DOCK5: variants seen among roughly 807,000 people sequenced by gnomAD.
DOCK5 encodes dedicator of cytokinesis 5.
In DOCK5, 142 loss-of-function variants were observed where a neutral mutation model predicts 251.8. The observed-to-expected ratio is 0.56, with a 90% CI of 0.49 to 0.65. DOCK5 has a LOEUF of 0.65. DOCK5 is among the 30% of genes least tolerant of loss of function. The pLI, the probability that DOCK5 is intolerant of heterozygous loss-of-function variation, is 0.00. For synonymous variants in DOCK5, 842 were observed against 835.5 expected, an observed-to-expected ratio of 1.01 and a Z score of -0.13; for missense variants, 2,111 against 2,312.3, an observed-to-expected ratio of 0.91 and a Z score of 1.79.
chr8:25,238,043 A>G (rs1586253808), intron 1 of DOCK5, among the ~76,000 whole-genome samples: 1 of 152,232 alleles, frequency 6.6e-6, no homozygotes, highest in South Asian at 2.1e-4. Flanking sequence ...CTATGGGCCC[A>G]CTAAGTGCAT....
chr8:25,259,806 T>A (rs1803524022), intron 2 of DOCK5, among the ~76,000 whole-genome samples: 1 of 152,208 alleles, frequency 6.6e-6, no homozygotes, highest in Admixed American at 6.5e-5. Context: ...AGCTGTGAGT[T>A]CTTTCCAATA....
At position 25,414,909 on chromosome 8, in the gene DOCK5, C is replaced by CTTTTTTTTTTTTTTTTT. The variant is rs56338302; in HGVS notation, c.*3624_*3625insTTTTTTTTTTTTTTTTT. ...ATTTGTAGTCAGTCCCTGGGCCTGT[C>CTTTTTTTTTTTTTTTTT]TTTTTTTTTTTTTAATTTTGAAGCT... On this transcript the variant is annotated 3_prime_UTR_variant, in exon 52 of 52. Transcript: ENST00000276440. 2.3e-4 allele frequency: 22 copies of CTTTTTTTTTTTTTTTTT among 96,590 alleles called. No individual in the cohort carries two copies. Among genetic ancestry groups the CTTTTTTTTTTTTTTTTT allele is most frequent in the Middle Eastern group, 7.9e-3 (1 of 126 alleles). 6.0% of individuals were successfully genotyped at this position (96,590 alleles called of 1,614,324 possible).
intron 48 of DOCK5, among the ~76,000 whole-genome samples, chr8:25,405,760 C>T (rs1801511761): frequency 6.6e-6 from 1 of 151,910 alleles, no homozygotes; most frequent in Non-Finnish European, 1.5e-5. Flanking sequence ...CATAAAATGC[C>T]TTTCCATATG....
chr8:25,395,395 T>C (rs1801328760), intron 44 of DOCK5, 148 bp from the exon 45 acceptor site: 1 of 858,610 alleles, frequency 1.2e-6, no homozygotes, highest in Non-Finnish European at 1.7e-6. Context: ...TTGGGACCCC[T>C]GCTATAAGTC....
At position 25,335,713 on chromosome 8, in the gene DOCK5, C is replaced by T. The variant is rs1384557538; in HGVS notation, c.2193-526C>T. Reference sequence around the variant, plus strand: ...AGACACAAAGAGCAACCTATAACCCCAGAACAGCTTTATCTGTTGAATGCT... The same window carrying T: ...AGACACAAAGAGCAACCTATAACCCTAGAACAGCTTTATCTGTTGAATGCT... On this transcript the variant is annotated intron_variant, in intron 21 of 51. Transcript: ENST00000276440. Among the ~76,000 whole-genome samples the T allele has an allele frequency of 3.9e-5, 6 of 152,226 alleles. No homozygotes were observed. In the East Asian group the frequency reaches 1.2e-3, roughly 29 times the overall value.
chr8:25,254,090 T>C (rs187162159), intron 2 of DOCK5, among the ~76,000 whole-genome samples: 78 of 152,228 alleles, frequency 5.1e-4, no homozygotes, highest in Non-Finnish European at 7.8e-4. Context: ...CCCACACAAA[T>C]ATAGTCAGCT....
At chr8:25,355,162 A>G (rs1388760424) in intron 27 of DOCK5, among the ~76,000 whole-genome samples, 1 of 152,100 alleles carries the variant, frequency 6.6e-6, no homozygotes, top group African/African-American at 2.4e-5. Context: ...TGAACTCAGG[A>G]AATTGAGGCT....
chr8:25,367,028 A>G, intron 31 of DOCK5, 58 bp downstream of exon 31: 1 of 1,447,946 alleles, frequency 6.9e-7, no homozygotes, highest in Non-Finnish European at 9.6e-7. Flanking sequence ...GTTTACATTG[A>G]GAGCAATATT....
rs1024546263 is a variant in DOCK5 at position 25,185,075 on chromosome 8, G to A, written c.43+124G>A. 2.5e-5 allele frequency: 28 copies of A among 1,118,786 alleles called. 1 individual carries two copies. The African/African-American group carries it at 3.6e-4, about 14-fold the overall frequency. The allele number at this position is 1,118,786 out of a possible 1,614,324, so 69.3% of individuals were successfully genotyped here. ...GCCGGGGGCTCGGCCCGGCTGCGCA[G>A]CTCTGGGAGCCGGGGACGGTAGGAG... On this transcript the variant is annotated intron_variant, in intron 1 of 51. Transcript: ENST00000276440.
At chr8:25,388,021 T>A (rs1459407981) in intron 40 of DOCK5, among the ~76,000 whole-genome samples, 2 of 152,202 alleles carry the variant, frequency 1.3e-5, no homozygotes, top group Non-Finnish European at 2.9e-5. Context: ...TTTTCCTAAC[T>A]TGGAAAAGTT....
intron 48 of DOCK5, among the ~76,000 whole-genome samples, chr8:25,405,548 A>G (rs986865720): frequency 1.3e-5 from 2 of 152,156 alleles, no homozygotes; most frequent in South Asian, 4.2e-4. Flanking sequence ...GTACTATGCA[A>G]TCTTAATTAT....
At chr8:25,368,827 C>T (rs1800823748) in intron 33 of DOCK5, 102 bp downstream of exon 33, 2 of 1,199,612 alleles carry the variant, frequency 1.7e-6, no homozygotes, top group South Asian at 2.0e-5. Flanking sequence ...TAATGCAAGT[C>T]CATGTTGATC....
intron 16 of DOCK5, 122 bp downstream of exon 16, chr8:25,321,174 G>A (rs986991773): frequency 3.8e-6 from 3 of 799,044 alleles, no homozygotes; most frequent in African/African-American, 3.5e-5. Context: ...GCTGTATTTT[G>A]TAACTCACTG....
At chr8:25,230,542 T>C (rs1802642982) in intron 1 of DOCK5, among the ~76,000 whole-genome samples, 1 of 152,184 alleles carries the variant, frequency 6.6e-6, no homozygotes, top group Non-Finnish European at 1.5e-5. Flanking sequence ...TAATTAAACA[T>C]TGAATGCATG....
At chr8:25,378,998 G>T (rs1180308620) in intron 38 of DOCK5, among the ~76,000 whole-genome samples, 1 of 152,156 alleles carries the variant, frequency 6.6e-6, no homozygotes, top group South Asian at 2.1e-4. Context: ...AAAGGGGAGG[G>T]GGTGTACCAA....
At chr8:25,257,946 A>C (rs756532099) in intron 2 of DOCK5, among the ~76,000 whole-genome samples, 8 of 152,144 alleles carry the variant, frequency 5.3e-5, no homozygotes, top group African/African-American at 1.9e-4. Flanking sequence ...ACAGAAGAGG[A>C]AAGTTAGACT....
intron 8 of DOCK5, chr8:25,299,307 T>G: frequency 1.9e-6 from 1 of 527,750 alleles, no homozygotes; most frequent in Non-Finnish European, 3.2e-6. Flanking sequence ...GTATACTCTC[T>G]GGGATTTAGA....
In DOCK5 at chr8:25,243,657, T is replaced by A. The variant is rs1803017305; in HGVS notation, c.44-17T>A. On this transcript the variant is annotated splice_polypyrimidine_tract_variant and intron_variant, in intron 1 of 51. Coordinates refer to ENST00000276440, the MANE Select transcript of DOCK5 (RefSeq NM_024940.8). ...TGACATGCATTCTAATTTCCCTTTT[T>A]TATTTCTCATTTCCAGCGATCTATA... 1 of 1,610,318 alleles carries A rather than the reference T, an allele frequency of 6.2e-7. No homozygotes were observed. The highest frequency in any genetic ancestry group is 8.5e-7 in the Non-Finnish European group (1 of 1,178,132).
intron 2 of DOCK5, among the ~76,000 whole-genome samples, chr8:25,253,550 T>C (rs994245667): frequency 6.6e-6 from 1 of 152,160 alleles, no homozygotes; most frequent in Admixed American, 6.5e-5. Flanking sequence ...AACATCACGG[T>C]TGGGCTGGCT....
Sources: gnomAD v4.1 joint callset for allele counts (sites outside exome capture counted in the v4.1 genomes callset) on GRCh38, gnomAD v4.1.1 for gene constraint, MANE v1.5 for transcripts, NCBI Gene and HGNC (gene_info 2026-07-23, HGNC 2026-07-21) for gene names.